SUCO: variants seen among roughly 807,000 people sequenced by gnomAD.
SUCO encodes SUN domain-containing ossification factor.
SUCO carries 57 observed loss-of-function variants against 148.1 expected under a neutral mutation model. That is an observed-to-expected ratio of 0.38 (90% confidence interval 0.31 to 0.48). The LOEUF is 0.48. Among genes scored for constraint, SUCO ranks in the 20% least tolerant of loss-of-function variants. The pLI, the probability that SUCO is intolerant of heterozygous loss-of-function variation, is 0.96. For synonymous variants in SUCO, 470 were observed against 502.7 expected (o/e 0.93, Z 0.87); for missense variants, 1,331 against 1,468.2 (o/e 0.91, Z 1.53).
At chr1:172,576,947 C>A in intron 11 of SUCO, 2 of 696,284 alleles carry the variant, frequency 2.9e-6, no homozygotes, top group Non-Finnish European at 3.5e-6. Context: ...TTTTTAATAG[C>A]ATACATTCGA....
At chr1:172,577,476 CT>C in intron 11 of SUCO, 62 bp from the exon 12 acceptor site, 10 of 1,468,304 alleles carry the variant, frequency 6.8e-6, no homozygotes, top group Non-Finnish European at 9.4e-6. Context: ...TTTAAAGATG[CT>C]TATTGCATGA....
chr1:172,584,374 AT>A, intron 15 of SUCO: 34 of 946,110 alleles, frequency 3.6e-5, no homozygotes, highest in Middle Eastern at 5.4e-4. Context: ...TGGTCATCAC[AT>A]TTTTTTCCCT....
intron 1 of SUCO, among the ~76,000 whole-genome samples, chr1:172,546,141 G>T (rs1652840245): frequency 6.6e-6 from 1 of 152,012 alleles, no homozygotes; most frequent in Non-Finnish European, 1.5e-5. Flanking sequence ...TTGCCTTGTT[G>T]CCCAGGCTGG....
At chr1:172,606,115 G>C (rs530281854) in intron 22 of SUCO, among the ~76,000 whole-genome samples, 2 of 151,330 alleles carry the variant, frequency 1.3e-5, no homozygotes, top group Non-Finnish European at 3.0e-5. Flanking sequence ...CATGATATAC[G>C]TGTGTGAATT....
upstream of SUCO, chr1:172,532,815 G>T: frequency 6.3e-7 from 1 of 1,592,218 alleles, no homozygotes; most frequent in Non-Finnish European, 8.5e-7. Context: ...CACTGTAAGG[G>T]GAAATGCTGA....
At chr1:172,605,822 G>A (rs1209838254) in intron 22 of SUCO, among the ~76,000 whole-genome samples, 3 of 151,602 alleles carry the variant, frequency 2.0e-5, no homozygotes, top group Non-Finnish European at 3.0e-5. Flanking sequence ...TTTCTTAACT[G>A]TGTTAGCTTG....
In SUCO at chr1:172,588,463, G is replaced by A. The variant is rs556899009; in HGVS notation, c.1659-297G>A. 2.5e-5 allele frequency: 25 copies of A among 984,608 alleles called. No individual in the cohort carries two copies. In the South Asian group the frequency reaches 1.1e-3, roughly 43 times the overall value. The allele number at this position is 984,608 out of a possible 1,614,324, so 61.0% of individuals were successfully genotyped here. A position where few individuals can be genotyped will look rare whatever the true frequency, so the allele number is the denominator to read the frequency against. On this transcript the variant is annotated intron_variant, in intron 17 of 23. Transcript: ENST00000263688. ...GGAACACTACATTCAGTGAATGGAAGTATTCACTTAGAAACAATTCTTAAA... is the reference window on the plus strand; with the variant it reads ...GGAACACTACATTCAGTGAATGGAAATATTCACTTAGAAACAATTCTTAAA...
At chr1:172,558,625 C>T (rs932282808) in intron 6 of SUCO, among the ~76,000 whole-genome samples, 3 of 152,136 alleles carry the variant, frequency 2.0e-5, no homozygotes, top group Admixed American at 1.3e-4. Context: ...TTCACTATCA[C>T]GGGACCAACT....
chr1:172,596,407 T>C (rs1657102095), intron 19 of SUCO, among the ~76,000 whole-genome samples: 1 of 152,206 alleles, frequency 6.6e-6, no homozygotes, highest in Non-Finnish European at 1.5e-5. Flanking sequence ...TTTCTCCCCA[T>C]CTTTGTGGTT....
Position 172,551,619 on chromosome 1 carries a change from A to G in SUCO, c.170A>G (p.Gln57Arg), listed in dbSNP as rs771884822. 1.3e-5 allele frequency: 21 copies of G among 1,593,188 alleles called. No homozygotes were observed. The South Asian group carries it at 2.2e-4, about 17-fold the overall frequency. The change falls in exon 2 of 24, where the codon CAG becomes CGG. Residue 57 changes from glutamine to arginine, a missense_variant. By Grantham distance (43) the Gln-to-Arg change is conservative. This residue lies in a region of SUCO where 992 missense variants were observed against 1,093.5 expected (regional missense o/e 0.91). Transcript: ENST00000263688. ...CALENEDVQF[Q>R]KKDEREGPIN... Reference sequence around the variant, plus strand: ...CTAGAAAATGAAGATGTACAATTCCAGAAAAAGGTGCCTTAAATAAAGTTA... The same window carrying G: ...CTAGAAAATGAAGATGTACAATTCCGGAAAAAGGTGCCTTAAATAAAGTTA...
In SUCO at chr1:172,589,437, A is replaced by G. The variant is rs1656476668; in HGVS notation, c.2336A>G (p.Gln779Arg). The change falls in exon 18 of 24, where the codon CAA (glutamine) becomes CGA (arginine). Residue 779 changes from glutamine (Q) to arginine (R), a missense_variant. Gln to Arg is a conservative substitution (Grantham distance 43, BLOSUM62 1). Around this residue, in one of 3 missense-constraint regions of SUCO, gnomAD observed 992 missense variants for 1,093.5 expected, o/e 0.91. Coordinates refer to ENST00000263688, the MANE Select transcript of SUCO (RefSeq NM_014283.5). Reference protein sequence around the residue: ...SSVEIDNETEQKSESFSSIEK... With the variant: ...SSVEIDNETERKSESFSSIEK... ...GTTGAGATCGATAATGAAACAGAAC[A>G]AAAGTCTGAGAGCTTTAGTTCTATA... 1.2e-6 allele frequency: 2 copies of G among 1,613,012 alleles called. No individual in the cohort carries two copies. The highest frequency in any genetic ancestry group is 2.2e-5 in the East Asian group (1 of 44,874).
At chr1:172,567,489 A>G (rs1310629130) in intron 6 of SUCO, among the ~76,000 whole-genome samples, 1 of 152,122 alleles carries the variant, frequency 6.6e-6, no homozygotes, top group African/African-American at 2.4e-5. Context: ...AATAAGTATA[A>G]ATAATATATA....
intron 15 of SUCO, among the ~76,000 whole-genome samples, chr1:172,581,025 A>AG (rs1217812603): frequency 8.5e-5 from 13 of 152,224 alleles, no homozygotes; most frequent in African/African-American, 2.6e-4. Flanking sequence ...GCTTGAACCC[A>AG]GGAGGCGGAG....
chr1:172,587,253 T>C (rs1278336331), intron 17 of SUCO, among the ~76,000 whole-genome samples: 1 of 152,084 alleles, frequency 6.6e-6, no homozygotes, highest in Non-Finnish European at 1.5e-5. Context: ...TTTAATGCTT[T>C]TGAAGTAATC....
intron 10 of SUCO, among the ~76,000 whole-genome samples, chr1:172,574,234 G>T (rs2149249173): frequency 1.3e-5 from 2 of 152,080 alleles, no homozygotes; most frequent in South Asian, 4.1e-4. Flanking sequence ...TTATAATGTG[G>T]GGAAACAGAA....
chr1:172,593,340 C>G (rs1165779717), intron 19 of SUCO, among the ~76,000 whole-genome samples: 1 of 152,146 alleles, frequency 6.6e-6, no homozygotes, highest in Non-Finnish European at 1.5e-5. Flanking sequence ...AGAGGGCATC[C>G]TTGTCTTGTG....
intron 11 of SUCO, chr1:172,577,157 A>G (rs1364135785): frequency 1.1e-5 from 3 of 264,278 alleles, no homozygotes; most frequent in Non-Finnish European, 1.8e-5. Context: ...AAATTCATAT[A>G]TGGATATATA....
intron 20 of SUCO, among the ~76,000 whole-genome samples, chr1:172,600,791 G>A (rs1657459917): frequency 6.6e-6 from 1 of 151,950 alleles, no homozygotes; most frequent in South Asian, 2.1e-4. Context: ...GCTTATCTGA[G>A]GAGGTGGTAT....
intron 4 of SUCO, chr1:172,556,586 A>G: frequency 3.1e-6 from 3 of 982,992 alleles, no homozygotes; most frequent in Non-Finnish European, 3.6e-6. Flanking sequence ...TCCTTTATCA[A>G]ATGAGTTGAC....
Sources: allele counts gnomAD v4.1 joint callset (sites outside exome capture counted in the v4.1 genomes callset), GRCh38; gene constraint gnomAD v4.1.1; regional missense constraint gnomAD v4.1.1; transcripts MANE v1.5; gene names NCBI Gene and HGNC (gene_info 2026-07-23, HGNC 2026-07-21).